Variants in YAF2 observed in about 807,000 individuals in gnomAD.
YAF2 encodes the protein YY1-associated factor 2.
Under a neutral mutation model 20.1 loss-of-function variants are expected in YAF2, and 7 were observed. The ratio of observed to expected loss-of-function variants is 0.35; its 90% CI spans 0.20 to 0.65. YAF2 has a LOEUF of 0.65. Ranked by LOEUF, YAF2 falls within the 30% of genes least tolerant of loss-of-function variation. YAF2 has a pLI of 0.69. For missense variants in YAF2, 151 were observed against 219.2 expected, an observed-to-expected ratio of 0.69 and a Z score of 1.96; for synonymous variants, 74 against 76.0, an observed-to-expected ratio of 0.97 and a Z score of 0.14.
chr12:42,214,312 T>C (rs1009297592), intron 2 of YAF2, among the ~76,000 whole-genome samples: 2 of 152,120 alleles, frequency 1.3e-5, no homozygotes, highest in Admixed American at 1.3e-4. Context: ...CTGGCTTTTG[T>C]CCAGGCTGGA....
chr12:42,192,840 G>A (rs974484912), intron 2 of YAF2, among the ~76,000 whole-genome samples: 5 of 152,140 alleles, frequency 3.3e-5, no homozygotes, highest in Non-Finnish European at 5.9e-5. Flanking sequence ...ATAGTCACAC[G>A]TCGCATAACA....
intron 2 of YAF2, among the ~76,000 whole-genome samples, chr12:42,200,244 TCTC>T (rs2066862594): frequency 6.6e-6 from 1 of 152,140 alleles, no homozygotes; most frequent in Non-Finnish European, 1.5e-5. Flanking sequence ...ATTTCCTCCT[TCTC>T]CTATTTGTAT....
intron 2 of YAF2, among the ~76,000 whole-genome samples, chr12:42,177,509 AGGCC>A (rs1182873572): frequency 6.6e-6 from 1 of 152,144 alleles, no homozygotes; most frequent in Non-Finnish European, 1.5e-5. Flanking sequence ...TCTTCTTACA[AGGCC>A]ACCAATCCTA....
intron 2 of YAF2, among the ~76,000 whole-genome samples, chr12:42,187,346 G>A (rs1267535011): frequency 6.6e-6 from 1 of 152,116 alleles, no homozygotes; most frequent in Admixed American, 6.5e-5. Flanking sequence ...TTTTTGTAGA[G>A]ATGGGGTTCT....
chr12:42,233,927 T>C (rs1165730348), intron 2 of YAF2: 9 of 984,356 alleles, frequency 9.1e-6, no homozygotes, highest in Non-Finnish European at 1.1e-5. Context: ...TCCCAGCACT[T>C]TGGGAAGCCG....
chr12:42,225,693 C>T (rs138732051), intron 2 of YAF2, among the ~76,000 whole-genome samples: 6 of 152,156 alleles, frequency 3.9e-5, no homozygotes, highest in Non-Finnish European at 8.8e-5. Context: ...GTTGTAGATA[C>T]GTGGTGTTAT....
intron 2 of YAF2, among the ~76,000 whole-genome samples, chr12:42,201,202 T>C (rs2066889389): frequency 6.6e-6 from 1 of 152,226 alleles, no homozygotes; most frequent in Non-Finnish European, 1.5e-5. Context: ...ACATTCCTCC[T>C]TGGGCAACTG....
At chr12:42,237,569 G>C (rs1370180640) in intron 2 of YAF2, 30 bp downstream of exon 2, 1 of 1,491,340 alleles carries the variant, frequency 6.7e-7, no homozygotes, top group Non-Finnish European at 8.9e-7. Flanking sequence ...CCCGCCGGCC[G>C]GCGGCGCGAG....
chr12:42,175,269 G>A (rs565331053), intron 2 of YAF2, among the ~76,000 whole-genome samples: 1 of 152,190 alleles, frequency 6.6e-6, no homozygotes, highest in East Asian at 1.9e-4. Flanking sequence ...AATACACACT[G>A]TATGATTCCA....
chr12:42,237,457 C>T (rs1397104087), intron 2 of YAF2, 142 bp downstream of exon 2: 1 of 1,353,200 alleles, frequency 7.4e-7, no homozygotes, highest in East Asian at 3.2e-5. Context: ...TCAATGTGAC[C>T]CAGTTCCTAT....
intron 2 of YAF2, among the ~76,000 whole-genome samples, chr12:42,221,915 G>C (rs2067528493): frequency 6.6e-6 from 1 of 152,202 alleles, no homozygotes; most frequent in African/African-American, 2.4e-5. Flanking sequence ...CTATCATTAA[G>C]GTTTCAAGTA....
intron 2 of YAF2, chr12:42,231,384 G>A (rs1048401956): frequency 6.6e-6 from 1 of 152,132 alleles, no homozygotes; most frequent in Non-Finnish European, 1.5e-5. Context: ...GCAATATGTT[G>A]TTTTGGTCCA....
chr12:42,193,141 C>G (rs754468149), intron 2 of YAF2, among the ~76,000 whole-genome samples: 4 of 151,936 alleles, frequency 2.6e-5, no homozygotes, highest in Non-Finnish European at 4.4e-5. Flanking sequence ...ATGGTGAAAC[C>G]CTGTCTCTCC....
chr12:42,165,773 G>GT (rs71084620), intron 2 of YAF2, among the ~76,000 whole-genome samples: 4,773 of 115,962 alleles, frequency 0.041, 174 homozygotes, highest in East Asian at 0.18. Flanking sequence ...GCCCGGCCAG[G>GT]TTTTTTTTTT....
At chr12:42,227,531 AC>A (rs1345645914) in intron 2 of YAF2, among the ~76,000 whole-genome samples, 1 of 135,806 alleles carries the variant, frequency 7.4e-6, no homozygotes, top group Non-Finnish European at 1.6e-5. Flanking sequence ...CCCTGCCGAG[AC>A]CCCGTCTGGG....
rs866755587 is a variant in YAF2 at position 42,158,656 on chromosome 12, G to A, written c.*1933C>T. 6 of 152,228 alleles carry A rather than the reference G, an allele frequency of 3.9e-5. No individual in the cohort carries two copies. Among genetic ancestry groups the A allele is most frequent in the Middle Eastern group, 3.4e-3 (1 of 294 alleles). The allele number at this position is 152,228 out of a possible 1,614,324, so 9.4% of individuals were successfully genotyped here. A position where few individuals can be genotyped will look rare whatever the true frequency, so the allele number is the denominator to read the frequency against. Reference sequence around the variant, plus strand: ...GCACGCTTAATCTCCATGCTACACCGTGTTCCCGTCTATGTAGAAAGATGA... The same window carrying A: ...GCACGCTTAATCTCCATGCTACACCATGTTCCCGTCTATGTAGAAAGATGA... On this transcript the variant is annotated 3_prime_UTR_variant, in exon 4 of 4. Coordinates refer to ENST00000534854, the MANE Select transcript of YAF2 (RefSeq NM_005748.6).
intron 2 of YAF2, 53 bp downstream of exon 2, chr12:42,237,546 C>A: frequency 6.8e-7 from 1 of 1,470,952 alleles, no homozygotes. Flanking sequence ...CAAGGGCGTC[C>A]TCTGGTCGCC....
intron 1 of YAF2, chr12:42,237,933 G>A (rs1443863485): frequency 6.8e-6 from 3 of 441,074 alleles, no homozygotes; most frequent in Non-Finnish European, 9.4e-6. Flanking sequence ...CGCCGCCACA[G>A]CCGCTCTGAC....
intron 2 of YAF2, chr12:42,235,690 TTC>T: frequency 6.5e-7 from 1 of 1,531,248 alleles, no homozygotes; most frequent in Non-Finnish European, 8.7e-7. Flanking sequence ...ATGACAATGC[TTC>T]TCTGAGTCCT....
Sources: gnomAD v4.1 joint callset for allele counts (sites outside exome capture counted in the v4.1 genomes callset) on GRCh38, gnomAD v4.1.1 for gene constraint, MANE v1.5 for transcripts, NCBI Gene and HGNC (gene_info 2026-07-23, HGNC 2026-07-21) for gene names.